INSYN2A: variants seen among roughly 807,000 people sequenced by gnomAD.
INSYN2A encodes family with sequence similarity 196 member A.
Under a neutral mutation model 39.4 loss-of-function variants are expected in INSYN2A, and 17 were observed. The observed-to-expected ratio is 0.43, with a 90% CI of 0.30 to 0.65. INSYN2A has a LOEUF of 0.65. INSYN2A is among the 30% of genes least tolerant of loss of function. The probability of loss-of-function intolerance (pLI) is 0.14; values close to 1 mark genes in which losing one functional copy is unlikely to be tolerated. For missense variants in INSYN2A, 595 were observed against 631.2 expected (o/e 0.94, Z 0.61); for synonymous variants, 255 against 265.7 (o/e 0.96, Z 0.39).
At chr10:127,195,666 C>T (rs2057071971) in intron 1 of INSYN2A, among the ~76,000 whole-genome samples, 1 of 152,270 alleles carries the variant, frequency 6.6e-6, no homozygotes, top group South Asian at 2.1e-4. Flanking sequence ...CGGGCGCTCA[C>T]GAAGCTGTGG....
chr10:127,160,137 GAA>G (rs200473636), intron 4 of INSYN2A, among the ~76,000 whole-genome samples: 15 of 128,520 alleles, frequency 1.2e-4, no homozygotes, highest in African/African-American at 3.8e-4. Context: ...GGTCAGGAAA[GAA>G]AAAAAAAAAA....
chr10:127,141,768 C>T (rs2051282091), intron 5 of INSYN2A, among the ~76,000 whole-genome samples: 1 of 152,194 alleles, frequency 6.6e-6, no homozygotes, highest in South Asian at 2.1e-4. Context: ...GTGTCCTCCC[C>T]TGTGTCCTCC....
At chr10:127,172,461 A>G (rs951437742) in intron 4 of INSYN2A, among the ~76,000 whole-genome samples, 3 of 152,148 alleles carry the variant, frequency 2.0e-5, no homozygotes, top group Non-Finnish European at 2.9e-5. Flanking sequence ...ATGAGCTTGC[A>G]TCTTATCTGC....
intron 5 of INSYN2A, among the ~76,000 whole-genome samples, chr10:127,147,081 C>T (rs2051939946): frequency 6.6e-6 from 1 of 152,176 alleles, no homozygotes; most frequent in African/African-American, 2.4e-5. Flanking sequence ...CAACCCATCA[C>T]TTTTGTGAAT....
intron 2 of INSYN2A, among the ~76,000 whole-genome samples, chr10:127,186,747 C>T (rs2056309447): frequency 6.6e-6 from 1 of 151,956 alleles, no homozygotes; most frequent in African/African-American, 2.4e-5. Context: ...TGCCACACTG[C>T]TGTTGTCCAT....
At chr10:127,142,254 C>T (rs1048031739) in intron 5 of INSYN2A, among the ~76,000 whole-genome samples, 4 of 152,194 alleles carry the variant, frequency 2.6e-5, no homozygotes, top group East Asian at 1.9e-4. Context: ...CACACGGGCA[C>T]GTGGGAAGCC....
intron 2 of INSYN2A, among the ~76,000 whole-genome samples, chr10:127,178,374 A>G (rs1042547895): frequency 2.0e-5 from 3 of 152,214 alleles, no homozygotes; most frequent in Non-Finnish European, 4.4e-5. Flanking sequence ...TTCAGGATGG[A>G]TCATTTGCTG....
chr10:127,144,787 C>T (rs1444243402), intron 5 of INSYN2A, among the ~76,000 whole-genome samples: 10 of 152,106 alleles, frequency 6.6e-5, no homozygotes, highest in African/African-American at 2.4e-4. Flanking sequence ...TGTATCCTTC[C>T]TTTACCACTA....
At chr10:127,153,778 C>G in intron 5 of INSYN2A, 74 bp downstream of exon 5, 1 of 1,165,508 alleles carries the variant, frequency 8.6e-7, no homozygotes, top group Non-Finnish European at 1.3e-6. Flanking sequence ...GGCCCCAGAT[C>G]GTTCTTGCAT....
At chr10:127,145,015 A>G in intron 5 of INSYN2A, among the ~76,000 whole-genome samples, 1 of 152,196 alleles carries the variant, frequency 6.6e-6, no homozygotes, top group African/African-American at 2.4e-5. Flanking sequence ...CCAAAGTTAG[A>G]GTTAGACGAT....
At chr10:127,192,313 G>T (rs2056814434) in intron 2 of INSYN2A, among the ~76,000 whole-genome samples, 1 of 152,130 alleles carries the variant, frequency 6.6e-6, no homozygotes, top group South Asian at 2.1e-4. Flanking sequence ...GAAATATGTT[G>T]TTAGCCAAAA....
rs534099906 is a variant in INSYN2A, at chr10:127,146,570, GTGTA to G, written c.1256+7278_1256+7281del. Among the ~76,000 whole-genome samples, 1,002 of 152,210 alleles carry G rather than the reference GTGTA, an allele frequency of 6.6e-3. 4 individuals carry two copies. Among genetic ancestry groups the G allele is most frequent in the Admixed American group, 0.011 (175 of 15,292 alleles). On this transcript the variant is annotated intron_variant, in intron 5 of 5. Transcript: ENST00000522781. ...TATTTCCTTACCCCAGAATAACATT[GTGTA>G]TGTAAGGTGTTATCCAGGGATTCCT...
At position 127,137,322 on chromosome 10, in the gene INSYN2A, G is replaced by GA. The variant is rs1394311692; in HGVS notation, c.*514dup. On this transcript the variant is annotated 3_prime_UTR_variant, in exon 6 of 6. Transcript: ENST00000522781. ...GATTATTCATGGTCTCCGACCACTT[G>GA]AAAAAATTGTGCTTTCTCCGGAATT... 2 of 153,158 alleles carry GA rather than the reference G, an allele frequency of 1.3e-5. No homozygotes were observed. The highest frequency in any genetic ancestry group is 4.8e-5 in the African/African-American group (2 of 41,436). The allele number at this position is 153,158 out of a possible 1,614,324, so 9.5% of individuals were successfully genotyped here. A position where few individuals can be genotyped will look rare whatever the true frequency, so the allele number is the denominator to read the frequency against.
chr10:127,180,581 T>C (rs1406569140), intron 2 of INSYN2A, among the ~76,000 whole-genome samples: 1 of 152,222 alleles, frequency 6.6e-6, no homozygotes, highest in Non-Finnish European at 1.5e-5. Flanking sequence ...AAGTGAGCTG[T>C]AAATACATAA....
At chr10:127,146,433 T>C (rs1287316381) in intron 5 of INSYN2A, among the ~76,000 whole-genome samples, 1 of 152,208 alleles carries the variant, frequency 6.6e-6, no homozygotes, top group Non-Finnish European at 1.5e-5. Context: ...TAATATATTT[T>C]TGGATTTCAA....
intron 2 of INSYN2A, among the ~76,000 whole-genome samples, chr10:127,185,753 T>C (rs903520975): frequency 2.6e-5 from 4 of 152,218 alleles, no homozygotes; most frequent in African/African-American, 9.6e-5. Context: ...TTCTGAACTT[T>C]GGCATGACTA....
At chr10:127,138,111 G>A in intron 5 of INSYN2A, 91 bp from the exon 6 acceptor site, 1 of 1,126,964 alleles carries the variant, frequency 8.9e-7, no homozygotes, top group Non-Finnish European at 1.3e-6. Flanking sequence ...CATGATCAGT[G>A]TGTGTTTGTA....
At chr10:127,149,073 T>A (rs1044249679) in intron 5 of INSYN2A, among the ~76,000 whole-genome samples, 3 of 152,008 alleles carry the variant, frequency 2.0e-5, no homozygotes, top group East Asian at 1.9e-4. Context: ...GGGAGAGGTG[T>A]TTTTCAGCTG....
intron 2 of INSYN2A, among the ~76,000 whole-genome samples, chr10:127,187,612 G>A (rs935397492): frequency 1.3e-5 from 2 of 151,988 alleles, no homozygotes; most frequent in Admixed American, 6.6e-5. Context: ...TCCTCCTACA[G>A]GAAGGAGGTA....
Sources: gnomAD v4.1 joint callset for allele counts (sites outside exome capture counted in the v4.1 genomes callset) on GRCh38, gnomAD v4.1.1 for gene constraint, MANE v1.5 for transcripts, NCBI Gene and HGNC (gene_info 2026-07-23, HGNC 2026-07-21) for gene names.